SVOP: variants seen among roughly 807,000 people sequenced by gnomAD.
SVOP encodes the protein SV2 related protein, also known as synaptic vesicle 2-related protein.
In SVOP, 17 loss-of-function variants were observed where a neutral mutation model predicts 69.1. The ratio of observed to expected loss-of-function variants is 0.25; its 90% CI spans 0.17 to 0.37. The LOEUF (loss-of-function observed/expected upper bound fraction) is 0.37. SVOP is among the 10% of genes least tolerant of loss of function. The probability of loss-of-function intolerance (pLI) is 1.00; values close to 1 mark genes in which losing one functional copy is unlikely to be tolerated. For missense variants in SVOP, 435 were observed against 597.5 expected (o/e 0.73, Z 2.84); for synonymous variants, 238 against 238.6 (o/e 1.00, Z 0.02).
intron 9 of SVOP, among the ~76,000 whole-genome samples, chr12:108,938,029 G>A (rs1566052017): frequency 2.0e-5 from 3 of 152,132 alleles, no homozygotes; most frequent in Admixed American, 2.0e-4. Flanking sequence ...TGCACCTCTT[G>A]AGGAATCCAT....
At chr12:109,015,974 C>A (rs941982712) in intron 1 of SVOP, among the ~76,000 whole-genome samples, 14 of 152,166 alleles carry the variant, frequency 9.2e-5, no homozygotes, top group African/African-American at 2.9e-4. Context: ...TCACACCACA[C>A]CAGACATCTT....
intron 6 of SVOP, among the ~76,000 whole-genome samples, chr12:108,958,125 C>A (rs559479411): frequency 6.6e-6 from 1 of 152,194 alleles, no homozygotes; most frequent in South Asian, 2.1e-4. Context: ...CTGCTTCGTG[C>A]AGAGCAGGGC....
At position 108,908,953 on chromosome 12, in the gene SVOP, C is replaced by T. The variant is rs2039663723; in HGVS notation, c.*3582G>A. On this transcript the variant is annotated 3_prime_UTR_variant, in exon 16 of 16. Coordinates refer to ENST00000610966, the MANE Select transcript of SVOP (RefSeq NM_018711.5). ...AAGCAATGGTAAATCTGCCAGGGGACTTCCTTTTCTAACCAAAACCAACAG... is the reference window on the plus strand; with the variant it reads ...AAGCAATGGTAAATCTGCCAGGGGATTTCCTTTTCTAACCAAAACCAACAG... 6.6e-6 allele frequency: 1 copy of T among 152,210 alleles called. No homozygotes were observed. Among genetic ancestry groups the T allele is most frequent in the Admixed American group, 6.5e-5 (1 of 15,278 alleles). 9.4% of individuals were successfully genotyped at this position (152,210 alleles called of 1,614,324 possible).
intron 7 of SVOP, among the ~76,000 whole-genome samples, chr12:108,941,675 T>G (rs1251005095): frequency 6.6e-6 from 1 of 152,102 alleles, no homozygotes; most frequent in Non-Finnish European, 1.5e-5. Flanking sequence ...TTTTTTTCTT[T>G]TTTTGAGACA....
intron 1 of SVOP, among the ~76,000 whole-genome samples, chr12:109,010,119 C>T (rs1173366514): frequency 7.3e-6 from 1 of 136,354 alleles, no homozygotes; most frequent in Non-Finnish European, 1.6e-5. Context: ...GAGAGACCCT[C>T]TCTCTCTCAA....
At chr12:108,935,949 T>TACGTGCC (rs1410897839) in intron 10 of SVOP, among the ~76,000 whole-genome samples, 1 of 151,694 alleles carries the variant, frequency 6.6e-6, no homozygotes, top group Non-Finnish European at 1.5e-5. Flanking sequence ...GTTCCCAAAA[T>TACGTGCC]ACGTGCCACA....
chr12:109,001,788 C>T (rs2040272011), intron 1 of SVOP, among the ~76,000 whole-genome samples: 1 of 151,734 alleles, frequency 6.6e-6, no homozygotes, highest in Non-Finnish European at 1.5e-5. Context: ...CCCTTCCTTA[C>T]ACCTTATACA....
In SVOP at chr12:108,991,787, A is replaced by AAC. The variant is rs772905788; in HGVS notation, c.36-8027_36-8026insGT. On this transcript the variant is annotated intron_variant, in intron 1 of 15. Transcript: ENST00000610966. The stretch of plus-strand genomic sequence containing the variant: ...ACCCCATCTCTACAAAAAAAAACAA[A>AAC]AAAAAAAGATTAGCCAGGCATGGTA... Among the ~76,000 whole-genome samples, 203 of 150,684 alleles carry AAC rather than the reference A, an allele frequency of 1.3e-3. 6 individuals carry two copies. The South Asian group carries it at 0.022, about 16-fold the overall frequency.
At position 109,020,979 on chromosome 12, in the gene SVOP, C is replaced by G; in HGVS notation, c.-111G>C. 1 of 630,470 alleles carries G rather than the reference C, an allele frequency of 1.6e-6. No homozygotes were observed. Among genetic ancestry groups the G allele is most frequent in the Non-Finnish European group, 2.9e-6 (1 of 339,896 alleles). 39.1% of individuals were successfully genotyped at this position (630,470 alleles called of 1,614,324 possible). A position where few individuals can be genotyped will look rare whatever the true frequency, so the allele number is the denominator to read the frequency against. ...AGCTGGACAGCACCCGCGCCGCTTCCTCCCTGGAGCAGCAGCTGTTCGGGG... is the reference window on the plus strand; with the variant it reads ...AGCTGGACAGCACCCGCGCCGCTTCGTCCCTGGAGCAGCAGCTGTTCGGGG... On this transcript the variant is annotated 5_prime_UTR_variant, in exon 1 of 16. Coordinates refer to ENST00000610966, the MANE Select transcript of SVOP (RefSeq NM_018711.5).
chr12:108,962,666 G>C (rs2040024051), intron 5 of SVOP, among the ~76,000 whole-genome samples: 4 of 152,102 alleles, frequency 2.6e-5, no homozygotes, highest in Admixed American at 2.0e-4. Context: ...GGGACACAAT[G>C]CTTCAAGACA....
At chr12:108,932,491 G>A (rs2039827310) in intron 11 of SVOP, among the ~76,000 whole-genome samples, 1 of 152,166 alleles carries the variant, frequency 6.6e-6, no homozygotes, top group Non-Finnish European at 1.5e-5. Flanking sequence ...GAGGCCATTA[G>A]TCTGAGACAG....
intron 11 of SVOP, among the ~76,000 whole-genome samples, chr12:108,928,734 G>A (rs2039797636): frequency 6.6e-6 from 1 of 151,914 alleles, no homozygotes; most frequent in Non-Finnish European, 1.5e-5. Context: ...ACTCGGCTCA[G>A]TTTTTGTAGT....
intron 5 of SVOP, among the ~76,000 whole-genome samples, chr12:108,966,254 T>A (rs1214482543): frequency 4.6e-5 from 7 of 152,168 alleles, no homozygotes; most frequent in Admixed American, 3.3e-4. Context: ...AGGTGAAGCA[T>A]CTTGCCCAAG....
At chr12:108,996,740 G>C (rs2040234926) in intron 1 of SVOP, among the ~76,000 whole-genome samples, 1 of 152,078 alleles carries the variant, frequency 6.6e-6, no homozygotes, top group Non-Finnish European at 1.5e-5. Context: ...AGACCAGCCT[G>C]GGTAACAAAG....
intron 7 of SVOP, 24 bp downstream of exon 7, chr12:108,945,079 G>A: frequency 1.3e-6 from 2 of 1,536,426 alleles, no homozygotes; most frequent in South Asian, 1.2e-5. Context: ...ATGCTCTAGA[G>A]ACCCAGGCCG....
chr12:108,951,426 G>A (rs2039953091), intron 6 of SVOP, among the ~76,000 whole-genome samples: 1 of 152,180 alleles, frequency 6.6e-6, no homozygotes, highest in East Asian at 1.9e-4. Context: ...TTATTTGTTG[G>A]TGCTTATTTG....
chr12:108,939,656 T>C (rs917018116), intron 8 of SVOP, among the ~76,000 whole-genome samples: 1 of 152,182 alleles, frequency 6.6e-6, no homozygotes, highest in Non-Finnish European at 1.5e-5. Flanking sequence ...AGTTTTCTCA[T>C]CAATAAAAAG....
intron 1 of SVOP, among the ~76,000 whole-genome samples, chr12:109,007,553 A>G (rs1336775832): frequency 6.6e-6 from 1 of 152,198 alleles, no homozygotes; most frequent in Non-Finnish European, 1.5e-5. Flanking sequence ...AGAGATGAAA[A>G]TGGCTGCTTT....
chr12:108,989,580 G>GA (rs1226439397), intron 1 of SVOP, among the ~76,000 whole-genome samples: 24 of 152,252 alleles, frequency 1.6e-4, no homozygotes, highest in Admixed American at 1.4e-3. Flanking sequence ...ACCCTCATAT[G>GA]AGTCAGTCCT....
Sources: allele counts gnomAD v4.1 joint callset (sites outside exome capture counted in the v4.1 genomes callset), GRCh38; gene constraint gnomAD v4.1.1; transcripts MANE v1.5; gene names NCBI Gene and HGNC (gene_info 2026-07-23, HGNC 2026-07-21).